NEK7: variants seen among roughly 807,000 people sequenced by gnomAD.
NEK7 encodes NIMA related kinase 7.
NEK7 carries 18 observed loss-of-function variants against 44.6 expected under a neutral mutation model. That is an observed-to-expected ratio of 0.40 (90% CI 0.28 to 0.60). The LOEUF (loss-of-function observed/expected upper bound fraction) is 0.60, where lower values mean the gene tolerates loss of function less well. Among genes scored for constraint, NEK7 ranks in the 20% least tolerant of loss-of-function variants. The pLI is 0.38. For missense variants in NEK7, 256 were observed against 366.5 expected (o/e 0.70, Z 2.46); for synonymous variants, 130 against 121.1 (o/e 1.07, Z -0.48).
At chr1:198,209,524 A>G (rs1665703504) in intron 1 of NEK7, among the ~76,000 whole-genome samples, 1 of 152,216 alleles carries the variant, frequency 6.6e-6, no homozygotes, top group African/African-American at 2.4e-5. Context: ...TAATTTTGAT[A>G]ATGATAAGAA....
intron 1 of NEK7, among the ~76,000 whole-genome samples, chr1:198,214,126 C>A (rs1665853727): frequency 6.6e-6 from 1 of 152,060 alleles, no homozygotes; most frequent in African/African-American, 2.4e-5. Context: ...GCCCCCAGAG[C>A]TGAAGCTAGA....
chr1:198,250,292 A>G (rs1447457830), intron 2 of NEK7, among the ~76,000 whole-genome samples: 1 of 149,730 alleles, frequency 6.7e-6, no homozygotes, highest in Non-Finnish European at 1.5e-5. Flanking sequence ...GCCTTGTAGT[A>G]TAGTTTGAAG....
chr1:198,242,171 A>T (rs1666702552), intron 2 of NEK7, among the ~76,000 whole-genome samples: 1 of 150,848 alleles, frequency 6.6e-6, no homozygotes, highest in South Asian at 2.1e-4. Flanking sequence ...CATCTCTCTA[A>T]CTCCTCAGGC....
At chr1:198,206,750 C>A (rs1288318571) in intron 1 of NEK7, 1 of 151,746 alleles carries the variant, frequency 6.6e-6, no homozygotes, top group Non-Finnish European at 1.5e-5. Flanking sequence ...CATAAATTAT[C>A]CTATATCCAA....
chr1:198,214,695 A>C (rs1247297027), intron 1 of NEK7, among the ~76,000 whole-genome samples: 4 of 152,220 alleles, frequency 2.6e-5, no homozygotes, highest in African/African-American at 9.6e-5. Context: ...TAAATTGGCC[A>C]AACCTAAGAA....
intron 2 of NEK7, among the ~76,000 whole-genome samples, chr1:198,236,725 T>C (rs1666552968): frequency 6.6e-6 from 1 of 152,116 alleles, no homozygotes; most frequent in East Asian, 1.9e-4. Context: ...CTATCCACAC[T>C]GCTCTCAAAG....
rs566116805 is a variant in NEK7, at chr1:198,256,298, A to T, written c.198+3118A>T. The T allele has an allele frequency of 1.3e-5, 20 of 1,552,808 alleles. No individual in the cohort carries two copies. The East Asian group carries it at 4.7e-4, about 36-fold the overall frequency. On this transcript the variant is annotated intron_variant, in intron 3 of 9. Transcript: ENST00000367385. ...ACTGATTCAGGGCTATTAACAAAGG[A>T]TGTGTTCAGCTCTGGCCATTTTCCT... is the stretch of plus-strand genomic sequence containing the variant.
intron 5 of NEK7, among the ~76,000 whole-genome samples, chr1:198,277,254 GA>G (rs1002125061): frequency 9.2e-5 from 14 of 151,772 alleles, no homozygotes; most frequent in African/African-American, 3.4e-4. Flanking sequence ...ATTTATTGTA[GA>G]AAAAATGAGC....
chr1:198,308,774 G>A (rs1655087734), intron 9 of NEK7, among the ~76,000 whole-genome samples: 1 of 152,066 alleles, frequency 6.6e-6, no homozygotes, highest in African/African-American at 2.4e-5. Flanking sequence ...ACTTGCCATT[G>A]CTTTCACACA....
intron 8 of NEK7, among the ~76,000 whole-genome samples, chr1:198,296,269 C>T (rs896772372): frequency 2.0e-5 from 3 of 152,138 alleles, no homozygotes; most frequent in East Asian, 3.8e-4. Flanking sequence ...CCTGGCACTC[C>T]GTGTTGTATT....
chr1:198,280,963 A>C (rs1260487211), intron 7 of NEK7, among the ~76,000 whole-genome samples: 1 of 151,724 alleles, frequency 6.6e-6, no homozygotes, highest in African/African-American at 2.4e-5. Flanking sequence ...GAGAAAAAAT[A>C]TATCCTTAAA....
intron 9 of NEK7, among the ~76,000 whole-genome samples, chr1:198,315,644 A>C (rs543451285): frequency 6.6e-6 from 1 of 152,294 alleles, no homozygotes; most frequent in East Asian, 1.9e-4. Flanking sequence ...AGGAGCAAAC[A>C]AAAGGTTTAA....
intron 1 of NEK7, among the ~76,000 whole-genome samples, chr1:198,200,540 TTTTC>T (rs200107484): frequency 8.6e-5 from 13 of 151,340 alleles, no homozygotes; most frequent in African/African-American, 9.7e-5. Context: ...TGTTGCTTTC[TTTTC>T]TTTCTTTCTT....
At position 198,248,619 on chromosome 1, in the gene NEK7, T is replaced by A. The variant is rs374048227; in HGVS notation, c.58-4421T>A. 2.6e-4 allele frequency among the ~76,000 whole-genome samples: 39 copies of A among 152,302 alleles called. No individual in the cohort carries two copies. In the East Asian group the frequency reaches 5.2e-3, roughly 20 times the overall value. Reference sequence around the variant, plus strand: ...GTTATTTAATGATGCGGTAGTAAACTTCTTGACACTGGACATATTCTTTGC... The same window carrying A: ...GTTATTTAATGATGCGGTAGTAAACATCTTGACACTGGACATATTCTTTGC... On this transcript the variant is annotated intron_variant, in intron 2 of 9. Transcript: ENST00000367385.
chr1:198,174,425 G>A (rs73075162), intron 1 of NEK7, among the ~76,000 whole-genome samples: 41 of 152,192 alleles, frequency 2.7e-4, no homozygotes, highest in African/African-American at 9.4e-4. Flanking sequence ...GTGTACGTGG[G>A]GAGGTGGGTA....
At chr1:198,245,371 C>T in intron 2 of NEK7, 1 of 169,338 alleles carries the variant, frequency 5.9e-6, no homozygotes, top group Middle Eastern at 5.2e-4. Flanking sequence ...CGTTTGTATG[C>T]CTCTTTATAG....
At chr1:198,162,490 G>A (rs890072581) in intron 1 of NEK7, among the ~76,000 whole-genome samples, 2 of 152,128 alleles carry the variant, frequency 1.3e-5, no homozygotes, top group East Asian at 1.9e-4. Context: ...TGTAGTTGTC[G>A]CAACTCATAA....
At chr1:198,227,784 A>C (rs144372278) in intron 1 of NEK7, among the ~76,000 whole-genome samples, 1 of 151,872 alleles carries the variant, frequency 6.6e-6, no homozygotes, top group South Asian at 2.1e-4. Flanking sequence ...TGTCAGATGA[A>C]TATATTGCAA....
At chr1:198,257,859 A>G (rs905937875) in intron 3 of NEK7, among the ~76,000 whole-genome samples, 3 of 152,212 alleles carry the variant, frequency 2.0e-5, no homozygotes, top group African/African-American at 7.2e-5. Flanking sequence ...GGGTTAAACT[A>G]CTATATGGCA....
Sources: gnomAD v4.1 joint callset for allele counts (sites outside exome capture counted in the v4.1 genomes callset) on GRCh38, gnomAD v4.1.1 for gene constraint, MANE v1.5 for transcripts, NCBI Gene and HGNC (gene_info 2026-07-23, HGNC 2026-07-21) for gene names.